Variants in ENPP2 observed in about 807,000 individuals in gnomAD.
The protein encoded by ENPP2 is autotaxin.
Under a neutral mutation model 120.2 loss-of-function variants are expected in ENPP2, and 51 were observed. That is an observed-to-expected ratio of 0.42 (90% CI 0.34 to 0.54). The LOEUF is 0.54. Among genes scored for constraint, ENPP2 ranks in the 20% least tolerant of loss-of-function variants. The probability of loss-of-function intolerance (pLI) is 0.04; values close to 1 mark genes in which losing one functional copy is unlikely to be tolerated. For synonymous variants in ENPP2, 365 were observed against 366.4 expected (o/e 1.00, Z 0.04); for missense variants, 920 against 1,066.5 (o/e 0.86, Z 1.91).
At chr8:119,564,296 A>T (rs1814213758) in intron 23 of ENPP2, among the ~76,000 whole-genome samples, 1 of 152,108 alleles carries the variant, frequency 6.6e-6, no homozygotes, top group Non-Finnish European at 1.5e-5. Flanking sequence ...CCTTTAATAC[A>T]TTTTTTTCAT....
chr8:119,637,196 C>A (rs1266777367), intron 2 of ENPP2, among the ~76,000 whole-genome samples: 1 of 152,074 alleles, frequency 6.6e-6, no homozygotes, highest in Non-Finnish European at 1.5e-5. Flanking sequence ...GAAAAAGAGG[C>A]CTTTGAAGAG....
intron 11 of ENPP2, 103 bp from the exon 12 acceptor site, chr8:119,593,963 G>T: frequency 1.3e-6 from 1 of 742,942 alleles, no homozygotes; most frequent in Middle Eastern, 2.4e-4. Flanking sequence ...GAAAACTTCC[G>T]GCCCAGAGGC....
At chr8:119,566,510 C>G (rs1814458326) in intron 22 of ENPP2, among the ~76,000 whole-genome samples, 1 of 151,954 alleles carries the variant, frequency 6.6e-6, no homozygotes, top group African/African-American at 2.4e-5. Context: ...AGAAGCCAGA[C>G]AGTAAGAAAG....
chr8:119,610,636 C>G (rs555949883), intron 8 of ENPP2, among the ~76,000 whole-genome samples: 1 of 152,006 alleles, frequency 6.6e-6, no homozygotes, highest in South Asian at 2.1e-4. Context: ...GGTGTGGTGG[C>G]TCACGCCTAT....
intron 12 of ENPP2, among the ~76,000 whole-genome samples, chr8:119,592,473 C>CAAAAA (rs61330053): frequency 1.0e-3 from 56 of 54,894 alleles, no homozygotes; most frequent in Admixed American, 1.6e-3. Flanking sequence ...AACTCCACCT[C>CAAAAA]AAAAAAAAAA....
intron 1 of ENPP2, 32 bp from the exon 2 acceptor site, chr8:119,638,559 A>G (rs1817148307): frequency 1.5e-6 from 2 of 1,313,594 alleles, no homozygotes; most frequent in African/African-American, 2.9e-5. Flanking sequence ...GTTGTCAAAT[A>G]CAGCTGGAGA....
rs117331076 is a variant in ENPP2, at chr8:119,666,140, T to C, written c.21+7112A>G. On this transcript the variant is annotated intron_variant, in intron 1 of 25. Coordinates refer to the ENPP2 transcript ENST00000427067. ...AAGACTACATACACATAAAAGAATA[T>C]AGACGGGATATTCATTAATGAGTTA... Among the ~76,000 whole-genome samples the C allele has an allele frequency of 9.6e-3, 1,460 of 152,346 alleles. 67 individuals carry two copies. The East Asian group carries it at 0.13, about 14-fold the overall frequency.
chr8:119,627,073 T>C (rs1161781246), intron 2 of ENPP2, among the ~76,000 whole-genome samples: 1 of 152,208 alleles, frequency 6.6e-6, no homozygotes, highest in East Asian at 1.9e-4. Flanking sequence ...CTGTGATGAT[T>C]AGTGCCCCTG....
intron 1 of ENPP2, among the ~76,000 whole-genome samples, chr8:119,652,262 T>C (rs1424960979): frequency 6.6e-6 from 1 of 152,126 alleles, no homozygotes; most frequent in African/African-American, 2.4e-5. Flanking sequence ...TCTACCCTCA[T>C]GATTTAATCA....
At position 119,563,033 on chromosome 8, in the gene ENPP2, C is replaced by T. The variant is rs569329496; in HGVS notation, c.2265-20G>A. ...ACGTACCTGAAACAGGAAGGTAAAACGAAGTCACAGTTGATGAGTTGATGT... is the reference window on the plus strand; with the variant it reads ...ACGTACCTGAAACAGGAAGGTAAAATGAAGTCACAGTTGATGAGTTGATGT... On this transcript the variant is annotated intron_variant, in intron 23 of 24. Transcript: ENST00000075322. The T allele has an allele frequency of 8.1e-6, 13 of 1,609,122 alleles. No homozygotes were observed. Among genetic ancestry groups the T allele is most frequent in the Admixed American group, 5.0e-5 (3 of 59,666 alleles).
At chr8:119,670,314 C>T (rs1818203250) in intron 1 of ENPP2, among the ~76,000 whole-genome samples, 1 of 152,200 alleles carries the variant, frequency 6.6e-6, no homozygotes, top group Non-Finnish European at 1.5e-5. Context: ...AAGTAGAAAA[C>T]TATGTTTTCC....
chr8:119,600,115 T>C (rs994022642), intron 11 of ENPP2, among the ~76,000 whole-genome samples: 2 of 152,106 alleles, frequency 1.3e-5, no homozygotes, highest in Non-Finnish European at 2.9e-5. Context: ...ACTATGTTCA[T>C]ATCTTGAATG....
chr8:119,661,026 T>A (rs77899821), intron 1 of ENPP2, among the ~76,000 whole-genome samples: 5 of 152,116 alleles, frequency 3.3e-5, no homozygotes, highest in African/African-American at 1.2e-4. Flanking sequence ...GATTTAAAGA[T>A]GAAGCTGGAA....
Position 119,570,846 on chromosome 8 carries a change from A to C in ENPP2, c.1781-5T>G. 2.0e-6 allele frequency: 3 copies of C among 1,536,374 alleles called. No homozygotes were observed. The highest frequency in any genetic ancestry group is 2.6e-6 in the Non-Finnish European group (3 of 1,148,792). On this transcript the variant is annotated splice_polypyrimidine_tract_variant and splice_region_variant and intron_variant, in intron 19 of 24. Coordinates refer to ENST00000075322, the MANE Select transcript of ENPP2 (RefSeq NM_001040092.3). ...GCCCATAGAGGAGGTGTCTCTCTAA[A>C]AAAGAAAAAAAATAAACTGTGTTAG...
rs533854660 is a variant in ENPP2, at chr8:119,608,224, A to T, written c.778-247T>A. 6.0e-4 allele frequency among the ~76,000 whole-genome samples: 91 copies of T among 152,346 alleles called. 1 individual carries two copies. The highest frequency in any genetic ancestry group is 2.1e-3 in the African/African-American group (89 of 41,588). ...CTATGATTCTAGTGACATATTTTTT[A>T]AAATCTTATTTTATCTCAAAAGCCT... On this transcript the variant is annotated intron_variant, in intron 8 of 24. Transcript: ENST00000075322.
intron 1 of ENPP2, among the ~76,000 whole-genome samples, chr8:119,644,597 T>TAAA (rs1247460094): frequency 1.3e-5 from 1 of 79,364 alleles, no homozygotes; most frequent in African/African-American, 5.7e-5. Context: ...AATATATATA[T>TAAA]ATATATATAT....
At chr8:119,610,658 T>A (rs1452750525) in intron 8 of ENPP2, among the ~76,000 whole-genome samples, 1 of 151,432 alleles carries the variant, frequency 6.6e-6, no homozygotes. Context: ...ATCCCAGCAC[T>A]TTGGGAGGCC....
intron 1 of ENPP2, among the ~76,000 whole-genome samples, chr8:119,672,623 T>C (rs1818284041): frequency 6.6e-6 from 1 of 152,110 alleles, no homozygotes; most frequent in Admixed American, 6.5e-5. Context: ...ATTAGCCCTA[T>C]CCGTTTGAAA....
chr8:119,650,890 T>C (rs1817608014), intron 1 of ENPP2, among the ~76,000 whole-genome samples: 1 of 152,016 alleles, frequency 6.6e-6, no homozygotes. Flanking sequence ...TGAAACTTAA[T>C]GGCAACAAAC....
Sources: allele counts gnomAD v4.1 joint callset (sites outside exome capture counted in the v4.1 genomes callset), GRCh38; gene constraint gnomAD v4.1.1; transcripts MANE v1.5; gene names NCBI Gene and HGNC (gene_info 2026-07-23, HGNC 2026-07-21).